Variants in FOCAD observed in about 807,000 individuals in gnomAD.
FOCAD encodes KIAA1797.
Under a neutral mutation model 225.6 loss-of-function variants are expected in FOCAD, and 198 were observed. That is an observed-to-expected ratio of 0.88 (90% CI 0.78 to 0.99). The LOEUF (loss-of-function observed/expected upper bound fraction) is 0.99. Among genes scored for constraint, FOCAD ranks in the 50% least tolerant of loss-of-function variants. FOCAD has a pLI of 0.00. For missense variants in FOCAD, 2,713 were observed against 2,123.6 expected, an observed-to-expected ratio of 1.28 and a Z score of -5.46; for synonymous variants, 897 against 755.0, an observed-to-expected ratio of 1.19 and a Z score of -3.08.
chr9:20,808,581 T>C (rs1822711360), intron 11 of FOCAD, among the ~76,000 whole-genome samples: 1 of 152,182 alleles, frequency 6.6e-6, no homozygotes, highest in African/African-American at 2.4e-5. Flanking sequence ...AGTTGAACTA[T>C]CAGGTTGAAA....
At chr9:20,881,661 G>A (rs1381666573) in intron 19 of FOCAD, among the ~76,000 whole-genome samples, 2 of 152,044 alleles carry the variant, frequency 1.3e-5, no homozygotes, top group East Asian at 3.9e-4. Flanking sequence ...ATAAGTGAGG[G>A]AAAGAGAGGA....
intron 27 of FOCAD, among the ~76,000 whole-genome samples, chr9:20,932,530 T>TA (rs1024499120): frequency 2.6e-5 from 4 of 151,760 alleles, no homozygotes; most frequent in African/African-American, 9.7e-5. Flanking sequence ...TTTCTCCCCT[T>TA]AAAAAAAAGT....
At position 20,874,674 on chromosome 9, in the gene FOCAD, A is replaced by C; in HGVS notation, c.2191-7A>C. On this transcript the variant is annotated splice_region_variant and splice_polypyrimidine_tract_variant and intron_variant, in intron 18 of 43. Transcript: ENST00000338382. ...CCTCTCTATGATCTTTTCGCTTATC[A>C]TTTCAGATAAGACCAGAAATTCCCA... 1 of 1,611,764 alleles carries C rather than the reference A, an allele frequency of 6.2e-7. No homozygotes were observed. Among genetic ancestry groups the C allele is most frequent in the East Asian group, 2.2e-5 (1 of 44,798 alleles).
In FOCAD at chr9:20,866,917, T is replaced by TTTTTTTTTTTTTTTAAAAAAAA; in HGVS notation, c.2107-12_2107-11insTTTTTTTTTTTTTTAAAAAAAA. On this transcript the variant is annotated splice_polypyrimidine_tract_variant and intron_variant, in intron 17 of 43. Coordinates refer to ENST00000338382, the MANE Select transcript of FOCAD (RefSeq NM_001375567.1). ...TTTTTTTTTTTTTTTTTTTTTTTTTTACCCTATCTAGGACCCAATTGTAGC... is the reference window on the plus strand; with the variant it reads ...TTTTTTTTTTTTTTTTTTTTTTTTTTTTTTTTTTTTTTTTAAAAAAAAACCCTATCTAGGACCCAATTGTAGC... The TTTTTTTTTTTTTTTAAAAAAAA allele has an allele frequency of 5.2e-6, 4 of 764,972 alleles. No individual in the cohort carries two copies. Among genetic ancestry groups the TTTTTTTTTTTTTTTAAAAAAAA allele is most frequent in the Non-Finnish European group, 8.0e-6 (4 of 498,468 alleles). The allele number at this position is 764,972 out of a possible 1,614,324, so 47.4% of individuals were successfully genotyped here. A position where few individuals can be genotyped will look rare whatever the true frequency, so the allele number is the denominator to read the frequency against.
At chr9:20,926,538 C>T (rs1464103465) in intron 26 of FOCAD, 121 bp downstream of exon 26, 1 of 640,992 alleles carries the variant, frequency 1.6e-6, no homozygotes, top group Admixed American at 2.3e-5. Context: ...AATCCCAGCA[C>T]TTTGGAAGTC....
At chr9:20,918,759 A>G (rs1834099004) in intron 24 of FOCAD, among the ~76,000 whole-genome samples, 1 of 151,986 alleles carries the variant, frequency 6.6e-6, no homozygotes. Context: ...TATCTTATAG[A>G]CCTTATTTTA....
chr9:20,717,085 TG>T (rs1449745333), intron 2 of FOCAD, among the ~76,000 whole-genome samples: 1 of 152,174 alleles, frequency 6.6e-6, no homozygotes, highest in Non-Finnish European at 1.5e-5. Flanking sequence ...GACAGTAAGT[TG>T]GACTAAACTT....
At chr9:20,960,844 T>G (rs1838645317) in intron 35 of FOCAD, among the ~76,000 whole-genome samples, 1 of 151,712 alleles carries the variant, frequency 6.6e-6, no homozygotes, top group Non-Finnish European at 1.5e-5. Flanking sequence ...ACATGTGGTG[T>G]TTGGTTTTTT....
At position 20,740,356 on chromosome 9, in the gene FOCAD, G is replaced by GTTTT; in HGVS notation, c.392+23_392+26dup. 8.2e-7 allele frequency: 1 copy of GTTTT among 1,217,052 alleles called. No homozygotes were observed. The highest frequency in any genetic ancestry group is 1.6e-5 in the African/African-American group (1 of 62,788). 75.4% of individuals were successfully genotyped at this position (1,217,052 alleles called of 1,614,324 possible). A position where few individuals can be genotyped will look rare whatever the true frequency, so the allele number is the denominator to read the frequency against. ...ATACCATTAGGTAAGCCTTTTTTCTGTTTTTTTTTTAAACAAATATGAATT... is the reference window on the plus strand; with the variant it reads ...ATACCATTAGGTAAGCCTTTTTTCTGTTTTTTTTTTTTTTAAACAAATATGAATT... On this transcript the variant is annotated intron_variant, in intron 5 of 43. Transcript: ENST00000338382.
chr9:20,884,870 G>A (rs983805272), intron 20 of FOCAD, among the ~76,000 whole-genome samples: 14 of 151,662 alleles, frequency 9.2e-5, no homozygotes, highest in African/African-American at 3.4e-4. Flanking sequence ...GACCAGCCTG[G>A]CCAATATGGT....
In FOCAD at chr9:20,823,080, G is replaced by C. The variant is rs199615968; in HGVS notation, c.1885G>C (p.Val629Leu). 8 of 1,608,278 alleles carry C rather than the reference G, an allele frequency of 5.0e-6. No individual in the cohort carries two copies. The highest frequency in any genetic ancestry group is 5.1e-6 in the Non-Finnish European group (6 of 1,177,794). ...TGATCAAGCTACTCCAGCAGCCTTG[G>C]TATTACAGGGTCTTCATGCACTCTG... ...KPDQATPAALVLQGLHALCQA... is the reference protein window; with the variant it reads ...KPDQATPAALLLQGLHALCQA... The change falls in exon 15 of 44, where the codon GTA (valine) becomes CTA (leucine). Residue 629 changes from valine (V) to leucine (L), a missense_variant. Val to Leu is a conservative substitution (Grantham distance 32). Transcript: ENST00000338382.
intron 5 of FOCAD, among the ~76,000 whole-genome samples, chr9:20,750,029 A>G (rs924449764): frequency 2.6e-5 from 4 of 152,130 alleles, no homozygotes; most frequent in African/African-American, 9.7e-5. Context: ...GCTGTTGATG[A>G]TATTAATAAA....
At chr9:20,886,405 T>C (rs1290833804) in intron 21 of FOCAD, among the ~76,000 whole-genome samples, 1 of 152,196 alleles carries the variant, frequency 6.6e-6, no homozygotes, top group Admixed American at 6.5e-5. Flanking sequence ...TTTTAAGCTG[T>C]GCACTTAGAT....
intron 22 of FOCAD, among the ~76,000 whole-genome samples, chr9:20,911,822 C>G (rs1042925237): frequency 6.6e-6 from 1 of 152,130 alleles, no homozygotes; most frequent in Non-Finnish European, 1.5e-5. Context: ...TGGAGAGATA[C>G]ATACTTTTCT....
At chr9:20,851,848 G>C (rs2131624862) in intron 15 of FOCAD, among the ~76,000 whole-genome samples, 1 of 151,850 alleles carries the variant, frequency 6.6e-6, no homozygotes, top group Non-Finnish European at 1.5e-5. Context: ...ACCTTTTTTT[G>C]TAAGTAAAGT....
chr9:20,866,782 A>G (rs1663315735), intron 17 of FOCAD, 147 bp from the exon 18 acceptor site: 1 of 524,442 alleles, frequency 1.9e-6, no homozygotes, highest in Non-Finnish European at 3.3e-6. Flanking sequence ...AAGCTTTAAT[A>G]CCATTTTCAA....
At chr9:20,959,740 T>G (rs1002098148) in intron 35 of FOCAD, among the ~76,000 whole-genome samples, 2 of 152,146 alleles carry the variant, frequency 1.3e-5, no homozygotes, top group African/African-American at 4.8e-5. Flanking sequence ...TAGTTTAATT[T>G]TTCTGTCTAT....
chr9:20,736,115 A>G (rs1183955794), intron 4 of FOCAD, among the ~76,000 whole-genome samples: 1 of 152,082 alleles, frequency 6.6e-6, no homozygotes. Context: ...TGCTTCATTC[A>G]GTTTTGTTGT....
chr9:20,885,157 GA>G lies in FOCAD; in HGVS notation c.2556del (p.Lys852AsnfsTer3). 1 of 1,542,212 alleles carries G rather than the reference GA, an allele frequency of 6.5e-7. No homozygotes were observed. The highest frequency in any genetic ancestry group is 1.8e-5 in the Admixed American group (1 of 54,260). On this transcript the variant is annotated frameshift_variant, in exon 21 of 44. Coordinates refer to ENST00000338382, the MANE Select transcript of FOCAD (RefSeq NM_001375567.1). LOFTEE classifies it high-confidence loss of function. ...GTTTCCATGTATCAGAGTAAAGATGGAAAACCATTGAACAGACTGATGGCCA... is the reference window on the plus strand; with the variant it reads ...GTTTCCATGTATCAGAGTAAAGATGGAAACCATTGAACAGACTGATGGCCA... ...YDVSMYQSKD[G>X]KPLNRLMASR... is the part of the protein sequence containing the mutation.
Sources: allele counts gnomAD v4.1 joint callset (sites outside exome capture counted in the v4.1 genomes callset), GRCh38; gene constraint gnomAD v4.1.1; transcripts MANE v1.5; gene names NCBI Gene and HGNC (gene_info 2026-07-23, HGNC 2026-07-21).